The following CREB5 variants were observed in gnomAD, a reference collection of about 807,000 sequenced individuals.
The protein encoded by CREB5 is cyclic AMP-responsive element-binding protein 5.
Under a neutral mutation model 57.1 loss-of-function variants are expected in CREB5, and 19 were observed. The observed-to-expected ratio is 0.33, with a 90% CI of 0.23 to 0.49. The LOEUF (loss-of-function observed/expected upper bound fraction) is 0.49, where lower values mean the gene tolerates loss of function less well. Ranked by LOEUF, CREB5 falls within the 20% of genes least tolerant of loss-of-function variation. CREB5 has a pLI of 0.99. For synonymous variants in CREB5, 238 were observed against 238.3 expected, an observed-to-expected ratio of 1.00 and a Z score of 0.01; for missense variants, 579 against 671.6, an observed-to-expected ratio of 0.86 and a Z score of 1.52.
chr7:28,728,154 G>A (rs1222984464), intron 7 of CREB5, among the ~76,000 whole-genome samples: 1 of 152,112 alleles, frequency 6.6e-6, no homozygotes, highest in Non-Finnish European at 1.5e-5. Context: ...TGGCCAGACT[G>A]GTCTCAAATT....
At chr7:28,345,273 CTTTTTT>C (rs58373526) in intron 1 of CREB5, among the ~76,000 whole-genome samples, 1 of 148,560 alleles carries the variant, frequency 6.7e-6, no homozygotes, top group Non-Finnish European at 1.5e-5. Context: ...CAAAACAAGT[CTTTTTT>C]TTTTTTTTTT....
intron 1 of CREB5, among the ~76,000 whole-genome samples, chr7:28,441,202 A>T (rs1326158828): frequency 6.6e-6 from 1 of 152,006 alleles, no homozygotes; most frequent in African/African-American, 2.4e-5. Context: ...TCTTGGCAAA[A>T]CCTAAATGCA....
intron 1 of CREB5, among the ~76,000 whole-genome samples, chr7:28,459,897 T>C (rs1199389259): frequency 6.6e-6 from 1 of 152,220 alleles, no homozygotes; most frequent in African/African-American, 2.4e-5. Context: ...GTAGGCATCA[T>C]TATCCCCATT....
chr7:28,683,555 G>A (rs531543050), intron 5 of CREB5, among the ~76,000 whole-genome samples: 68 of 152,240 alleles, frequency 4.5e-4, no homozygotes, highest in Non-Finnish European at 4.4e-4. Context: ...GCATTTGTCT[G>A]GGTTTTAGAA....
intron 5 of CREB5, among the ~76,000 whole-genome samples, chr7:28,676,340 G>A (rs1474650056): frequency 1.3e-5 from 2 of 152,070 alleles, no homozygotes; most frequent in Admixed American, 6.6e-5. Context: ...GTCTGTCTCC[G>A]TGGCTGCTTC....
At chr7:28,440,776 G>T (rs564885235) in intron 1 of CREB5, among the ~76,000 whole-genome samples, 9 of 152,262 alleles carry the variant, frequency 5.9e-5, no homozygotes, top group Admixed American at 5.9e-4. Flanking sequence ...ACACAAGACA[G>T]GGTTTGAACC....
At chr7:28,703,852 C>A (rs1180461676) in intron 5 of CREB5, among the ~76,000 whole-genome samples, 3 of 152,198 alleles carry the variant, frequency 2.0e-5, no homozygotes, top group Admixed American at 1.3e-4. Context: ...TAATGTTTAA[C>A]CAGATATCTG....
At chr7:28,365,664 G>T (rs1035348339) in intron 1 of CREB5, among the ~76,000 whole-genome samples, 1 of 152,022 alleles carries the variant, frequency 6.6e-6, no homozygotes, top group African/African-American at 2.4e-5. Context: ...TGGGCATCTG[G>T]CCCCTTCACC....
At chr7:28,412,191 A>G (rs1787828248), upstream of CREB5, among the ~76,000 whole-genome samples, 1 of 152,260 alleles carries the variant, frequency 6.6e-6, no homozygotes, top group African/African-American at 2.4e-5. Flanking sequence ...AATAAGCTCT[A>G]TTAACAGAAA....
At chr7:28,744,387 T>C (rs961473187) in intron 7 of CREB5, among the ~76,000 whole-genome samples, 5 of 137,730 alleles carry the variant, frequency 3.6e-5, no homozygotes, top group African/African-American at 1.4e-4. Context: ...CTTGCTTTGT[T>C]ACCAGGCTGG....
chr7:28,694,639 G>T lies in CREB5; in HGVS notation c.465-24114G>T, dbSNP rs149641603. Among the ~76,000 whole-genome samples, 385 of 152,242 alleles carry T rather than the reference G, an allele frequency of 2.5e-3. 3 individuals carry two copies. Among genetic ancestry groups the T allele is most frequent in the South Asian group, 0.01 (49 of 4,822 alleles). ...GCTCACTGCAGCCTCGAACTCTTGG[G>T]GTCAAATGGTCTTCCTGCCTCAGCC... On this transcript the variant is annotated intron_variant, in intron 5 of 10. Transcript: ENST00000357727.
chr7:28,679,090 A>G (rs1199764544), intron 5 of CREB5, among the ~76,000 whole-genome samples: 2 of 121,770 alleles, frequency 1.6e-5, no homozygotes, highest in African/African-American at 2.7e-5. Context: ...TGTTTTAACA[A>G]TGAAAACAGC....
At chr7:28,354,044 G>A (rs1049672985) in intron 1 of CREB5, among the ~76,000 whole-genome samples, 1 of 152,182 alleles carries the variant, frequency 6.6e-6, no homozygotes, top group African/African-American at 2.4e-5. Flanking sequence ...ATTTTTAGCA[G>A]AAGAGGGACT....
At chr7:28,588,743 C>A (rs916054473) in intron 5 of CREB5, among the ~76,000 whole-genome samples, 1 of 152,118 alleles carries the variant, frequency 6.6e-6, no homozygotes, top group South Asian at 2.1e-4. Flanking sequence ...ACACAATGTG[C>A]GGCGATGTTG....
intron 1 of CREB5, among the ~76,000 whole-genome samples, chr7:28,367,359 C>T (rs10279584): frequency 0.43 from 65,850 of 152,002 alleles, 14,626 homozygotes; most frequent in Non-Finnish European, 0.5. Flanking sequence ...CATGATTCTC[C>T]GGCACCACAT....
At chr7:28,584,001 A>C (rs1796220242) in intron 5 of CREB5, among the ~76,000 whole-genome samples, 1 of 152,042 alleles carries the variant, frequency 6.6e-6, no homozygotes, top group African/African-American at 2.4e-5. Flanking sequence ...CAACCTGCAC[A>C]CTTCCACTCC....
intron 4 of CREB5, among the ~76,000 whole-genome samples, chr7:28,560,845 C>CGTGCGTGCGTGTGCGTGCGTGTGCGT (rs1396686194): frequency 1.2e-4 from 5 of 41,318 alleles, no homozygotes; most frequent in Non-Finnish European, 2.8e-4. Context: ...TGTGTGTGTG[C>CGTGCGTGCGTGTGCGTGCGTGTGCGT]GCGTGTGTGT....
At chr7:28,488,407 C>T (rs538581763) in intron 2 of CREB5, among the ~76,000 whole-genome samples, 161 bp downstream of exon 2, 2 of 152,318 alleles carry the variant, frequency 1.3e-5, no homozygotes, top group African/African-American at 2.4e-5. Flanking sequence ...TCATTTTCAT[C>T]GCCATCATTA....
chr7:28,700,254 A>G (rs1801779573), intron 5 of CREB5, among the ~76,000 whole-genome samples: 1 of 152,124 alleles, frequency 6.6e-6, no homozygotes, highest in Non-Finnish European at 1.5e-5. Context: ...ACATGCATGC[A>G]TGTTCCCACG....
Sources: gnomAD v4.1 joint callset for allele counts (sites outside exome capture counted in the v4.1 genomes callset) on GRCh38, gnomAD v4.1.1 for gene constraint, MANE v1.5 for transcripts, NCBI Gene and HGNC (gene_info 2026-07-23, HGNC 2026-07-21) for gene names.